GTF2F2: variants seen among roughly 807,000 people sequenced by gnomAD.
GTF2F2 encodes ATP-dependent helicase GTF2F2.
A neutral mutation model predicts 42.2 loss-of-function variants in GTF2F2; 23 were observed. The ratio of observed to expected loss-of-function variants is 0.55; its 90% CI spans 0.39 to 0.77. The LOEUF is 0.77. Ranked by LOEUF, GTF2F2 falls within the 30% of genes least tolerant of loss-of-function variation. The pLI is 0.00. For synonymous variants in GTF2F2, 105 were observed against 100.8 expected, an observed-to-expected ratio of 1.04 and a Z score of -0.25; for missense variants, 261 against 287.2, an observed-to-expected ratio of 0.91 and a Z score of 0.66.
chr13:45,214,022 A>G (rs2138197699), intron 5 of GTF2F2, among the ~76,000 whole-genome samples: 1 of 152,348 alleles, frequency 6.6e-6, no homozygotes, highest in African/African-American at 2.4e-5. Flanking sequence ...TCTTAAGTCA[A>G]TGAGTCGCTT....
intron 6 of GTF2F2, among the ~76,000 whole-genome samples, chr13:45,265,225 C>T (rs1269918278): frequency 6.6e-6 from 1 of 151,596 alleles, no homozygotes; most frequent in East Asian, 1.9e-4. Context: ...CACCACTGCA[C>T]TCCAGCCTGG....
intron 5 of GTF2F2, among the ~76,000 whole-genome samples, chr13:45,211,187 C>T (rs17066520): frequency 0.012 from 1,813 of 152,186 alleles, 30 homozygotes; most frequent in African/African-American, 0.037. Context: ...TTTTTGTAGT[C>T]CCCGTGTCCA....
At chr13:45,236,261 G>A (rs1323499769) in intron 5 of GTF2F2, among the ~76,000 whole-genome samples, 2 of 152,126 alleles carry the variant, frequency 1.3e-5, no homozygotes, top group Admixed American at 1.3e-4. Flanking sequence ...TGTAGATGGG[G>A]AGTTGGCAAG....
At chr13:45,223,981 T>C (rs560697311) in intron 5 of GTF2F2, among the ~76,000 whole-genome samples, 88 of 152,352 alleles carry the variant, frequency 5.8e-4, no homozygotes, top group East Asian at 7.7e-4. Flanking sequence ...TAGTTCACTT[T>C]AATGAATGAA....
chr13:45,199,387 A>C (rs528492981), intron 4 of GTF2F2, among the ~76,000 whole-genome samples: 3 of 152,362 alleles, frequency 2.0e-5, no homozygotes, highest in African/African-American at 7.2e-5. Flanking sequence ...TTCACTACAG[A>C]GGCAATCTTG....
chr13:45,206,316 T>C (rs1593490876), intron 4 of GTF2F2: 2 of 152,352 alleles, frequency 1.3e-5, no homozygotes, highest in African/African-American at 4.8e-5. Flanking sequence ...GGCATGGTTC[T>C]ATACACTTTC....
chr13:45,240,760 G>A (rs112458677), intron 5 of GTF2F2, among the ~76,000 whole-genome samples: 2 of 152,032 alleles, frequency 1.3e-5, no homozygotes, highest in African/African-American at 4.8e-5. Context: ...CCTGGGATGC[G>A]GAGGTTGCAG....
chr13:45,196,345 T>A (rs1266978956), intron 4 of GTF2F2, among the ~76,000 whole-genome samples: 1 of 152,216 alleles, frequency 6.6e-6, no homozygotes. Context: ...AAAACGTCCT[T>A]TACTCCTGCA....
intron 4 of GTF2F2, among the ~76,000 whole-genome samples, chr13:45,188,532 T>G (rs1165573577): frequency 6.6e-6 from 1 of 152,336 alleles, no homozygotes; most frequent in South Asian, 2.1e-4. Flanking sequence ...AGATAATAAT[T>G]AGTGCTTTAT....
At chr13:45,244,995 C>T (rs1875514327) in intron 5 of GTF2F2, among the ~76,000 whole-genome samples, 1 of 152,150 alleles carries the variant, frequency 6.6e-6, no homozygotes, top group Non-Finnish European at 1.5e-5. Flanking sequence ...AAATGAGTTG[C>T]TCTTGAAGCT....
chr13:45,128,370 C>T (rs997237315), intron 1 of GTF2F2, among the ~76,000 whole-genome samples: 12 of 149,436 alleles, frequency 8.0e-5, no homozygotes, highest in Non-Finnish European at 1.8e-4. Context: ...GTCAGGAGTT[C>T]GAGACCAGCC....
At chr13:45,190,473 TG>T (rs1872574755) in intron 4 of GTF2F2, among the ~76,000 whole-genome samples, 1 of 152,192 alleles carries the variant, frequency 6.6e-6, no homozygotes, top group South Asian at 2.1e-4. Context: ...CTGTTGGCTC[TG>T]GTACAGGTAT....
chr13:45,194,364 G>C, intron 4 of GTF2F2: 1 of 1,614,200 alleles, frequency 6.2e-7, no homozygotes, highest in Non-Finnish European at 8.5e-7. Flanking sequence ...CAAACGGGCA[G>C]AGGATTTTTC....
chr13:45,191,224 A>AAAAAAAAAATATATATATATATATAT, intron 4 of GTF2F2, among the ~76,000 whole-genome samples: 37 of 75,248 alleles, frequency 4.9e-4, no homozygotes, highest in Non-Finnish European at 6.2e-4. Context: ...ACAAAAAAAA[A>AAAAAAAAAATATATATATATATATAT]ATATATATAT....
chr13:45,193,601 G>C (rs1052518259), intron 4 of GTF2F2: 2 of 553,868 alleles, frequency 3.6e-6, no homozygotes, highest in African/African-American at 3.8e-5. Flanking sequence ...CTGATCAGTA[G>C]GAACACCCCA....
intron 6 of GTF2F2, among the ~76,000 whole-genome samples, chr13:45,258,425 C>G (rs889886952): frequency 1.3e-5 from 2 of 152,000 alleles, no homozygotes; most frequent in African/African-American, 4.8e-5. Context: ...TGGCAGAACC[C>G]CAGCTGGAAA....
intron 4 of GTF2F2, among the ~76,000 whole-genome samples, chr13:45,186,299 A>ATT (rs1383278682): frequency 7.6e-6 from 1 of 131,392 alleles, no homozygotes; most frequent in African/African-American, 2.9e-5. Context: ...TTTAATTTTA[A>ATT]TTTTTTTTTT....
At chr13:45,203,197 C>T (rs909131366) in intron 4 of GTF2F2, among the ~76,000 whole-genome samples, 4 of 151,948 alleles carry the variant, frequency 2.6e-5, no homozygotes, top group Admixed American at 2.6e-4. Context: ...ATGCCTTAGC[C>T]TCCCAAATAG....
At position 45,236,329 on chromosome 13, in the gene GTF2F2, G is replaced by A. The variant is rs900300338; in HGVS notation, c.387-16542G>A. Among the ~76,000 whole-genome samples the A allele has an allele frequency of 6.6e-5, 10 of 152,144 alleles. No homozygotes were observed. The East Asian group carries it at 1.9e-3, about 29-fold the overall frequency. ...AATGGGAGAGTTTAAGCAGTAGGAG[G>A]CCCTAGAATTTGTACTTAGGCATAA... On this transcript the variant is annotated intron_variant, in intron 5 of 7. Coordinates refer to ENST00000340473, the MANE Select transcript of GTF2F2 (RefSeq NM_004128.3).
Sources: gnomAD v4.1 joint callset for allele counts (sites outside exome capture counted in the v4.1 genomes callset) on GRCh38, gnomAD v4.1.1 for gene constraint, MANE v1.5 for transcripts, NCBI Gene and HGNC (gene_info 2026-07-23, HGNC 2026-07-21) for gene names.